CYP4B1: variants seen among roughly 807,000 people sequenced by gnomAD.
CYP4B1 encodes the protein cytochrome P450 4B1.
CYP4B1 carries 45 observed loss-of-function variants against 54.0 expected under a neutral mutation model. That is an observed-to-expected ratio of 0.83 (90% CI 0.66 to 1.07). CYP4B1 has a LOEUF of 1.07. Among genes scored for constraint, CYP4B1 ranks in the 50% least tolerant of loss-of-function variants. The pLI is 0.00. For synonymous variants in CYP4B1, 248 were observed against 247.5 expected, an observed-to-expected ratio of 1.00 and a Z score of -0.02; for missense variants, 656 against 655.4, an observed-to-expected ratio of 1.00 and a Z score of -0.01.
chr1:46,809,924 T>C (rs1189428099), intron 1 of CYP4B1, among the ~76,000 whole-genome samples: 1 of 152,234 alleles, frequency 6.6e-6, no homozygotes, highest in Non-Finnish European at 1.5e-5. Flanking sequence ...CTTCATTTAC[T>C]TAAAACACCT....
Position 46,818,677 on chromosome 1 carries a change from A to C in CYP4B1, c.1402A>C (p.Thr468Pro). The stretch of plus-strand genomic sequence containing the variant: ...TGCCATGAGTGAGATGAAGGTGGTC[A>C]CAGCCATGTGCTTGCTCCGCTTTGA... ...QFAMSEMKVV[T>P]AMCLLRFEFS... is the part of the protein sequence containing the mutation. The change falls in exon 12 of 12, where the codon ACA becomes CCA. Residue 468 changes from threonine to proline, a missense_variant. Coordinates refer to ENST00000371923, the MANE Select transcript of CYP4B1 (RefSeq NM_001099772.2). 1 of 1,614,228 alleles carries C rather than the reference A, an allele frequency of 6.2e-7. No individual in the cohort carries two copies. The highest frequency in any genetic ancestry group is 1.1e-5 in the South Asian group (1 of 91,088).
chr1:46,815,521 G>T (rs1371256618), intron 8 of CYP4B1: 2 of 345,566 alleles, frequency 5.8e-6, no homozygotes, highest in East Asian at 4.7e-5. Context: ...CTGATATTTT[G>T]TGTGCTAACT....
At chr1:46,812,771 C>A in intron 4 of CYP4B1, 148 bp downstream of exon 4, 3 of 902,784 alleles carry the variant, frequency 3.3e-6, no homozygotes, top group Non-Finnish European at 5.1e-6. Context: ...AACAGCAGTG[C>A]CAAAGCCCTG....
rs1260142198 is a variant in CYP4B1 at position 46,812,652 on chromosome 1, G to A, written c.495+29G>A. On this transcript the variant is annotated intron_variant, in intron 4 of 11. Transcript: ENST00000371923. ...AGCTCCCTGTGCCAGAGTACTGGAG[G>A]CTGTTGCCTGCTGGGCTAGCCCCTC... 3.7e-6 allele frequency: 6 copies of A among 1,605,032 alleles called. No individual in the cohort carries two copies. In the African/African-American group the frequency reaches 5.3e-5, roughly 14 times the overall value.
At chr1:46,799,287 G>A (rs1470138082) in intron 1 of CYP4B1, 26 bp downstream of exon 1, 1 of 1,556,082 alleles carries the variant, frequency 6.4e-7, no homozygotes, top group Non-Finnish European at 8.7e-7. Context: ...GAGGGTGGGG[G>A]AGAAAGAAAA....
chr1:46,814,014 A>C lies in CYP4B1; in HGVS notation c.726A>C (p.Pro242=). The C allele has an allele frequency of 5.0e-6, 8 of 1,614,082 alleles. No homozygotes were observed. Among genetic ancestry groups the C allele is most frequent in the Non-Finnish European group, 6.8e-6 (8 of 1,179,996 alleles). Residue 242 remains proline, a synonymous_variant, in exon 6 of 12, where the codon CCA becomes CCC. Transcript: ENST00000371923. ...ATGACTTCATCTACTGGCTCACCCC[A>C]CATGGCCGCCGCTTCCTGCGGGCCT... ...YHNDFIYWLT[P]HGRRFLRACQ...
intron 1 of CYP4B1, among the ~76,000 whole-genome samples, chr1:46,808,992 G>A (rs12097541): frequency 0.22 from 25,711 of 116,472 alleles, 2,999 homozygotes; most frequent in African/African-American, 0.32. Flanking sequence ...GGGGGGAGGG[G>A]TAGCATTGGG....
chr1:46,816,431 C>T (rs974232214), intron 8 of CYP4B1, among the ~76,000 whole-genome samples: 1 of 152,016 alleles, frequency 6.6e-6, no homozygotes, highest in African/African-American at 2.4e-5. Context: ...CTTGAAGCAA[C>T]TTAGAGGACA....
Position 46,811,292 on chromosome 1 carries a change from C to T in CYP4B1, c.367+108C>T. 3 of 1,162,952 alleles carry T rather than the reference C, an allele frequency of 2.6e-6. No homozygotes were observed. The East Asian group carries it at 7.2e-5, about 28-fold the overall frequency. The allele number at this position is 1,162,952 out of a possible 1,614,324, so 72.0% of individuals were successfully genotyped here. A position where few individuals can be genotyped will look rare whatever the true frequency, so the allele number is the denominator to read the frequency against. The stretch of plus-strand genomic sequence containing the variant: ...ATTGGTTATCCCAGATGGCCTAGTT[C>T]TCGGGTGCCCATCCTAAGCTCAGCT... On this transcript the variant is annotated intron_variant, in intron 3 of 11. Coordinates refer to ENST00000371923, the MANE Select transcript of CYP4B1 (RefSeq NM_001099772.2).
intron 3 of CYP4B1, 120 bp from the exon 4 acceptor site, chr1:46,812,376 C>T (rs1273113025): frequency 1.0e-5 from 12 of 1,161,184 alleles, no homozygotes; most frequent in African/African-American, 3.0e-5. Flanking sequence ...AATACTGGGT[C>T]GCTTAGTGGC....
In CYP4B1 at chr1:46,817,191, G is replaced by T; in HGVS notation, c.1207+10G>T. 1 of 1,614,042 alleles carries T rather than the reference G, an allele frequency of 6.2e-7. No individual in the cohort carries two copies. The highest frequency in any genetic ancestry group is 8.5e-7 in the Non-Finnish European group (1 of 1,179,940). On this transcript the variant is annotated intron_variant, in intron 9 of 11. Coordinates refer to ENST00000371923, the MANE Select transcript of CYP4B1 (RefSeq NM_001099772.2). The stretch of plus-strand genomic sequence containing the variant: ...CGGTCTCTACCTGCAGGTGGGATGG[G>T]TGGATTTGGGGGTGGAAAAGGAGTC...
chr1:46,802,815 C>A (rs557153240), intron 1 of CYP4B1, among the ~76,000 whole-genome samples: 25 of 152,204 alleles, frequency 1.6e-4, no homozygotes, highest in African/African-American at 6.0e-4. Context: ...CCCCTCTCGG[C>A]GTGGGGAGTC....
rs141281141 is a variant in CYP4B1 at position 46,818,206 on chromosome 1, G to A, written c.1348G>A (p.Gly450Arg). Residue 450 changes from glycine to arginine, a missense_variant, in exon 11 of 12, where the codon GGG (glycine) becomes AGG (arginine). Transcript: ENST00000371923. ...CTTTGCCTTTATGCCCTTCTCTGCT[G>A]GGCCCAGGTATGGAGAGACCCAGTA... is the stretch of plus-strand genomic sequence containing the variant. ...HPFAFMPFSAGPRNCIGQQFA... is the reference protein window; with the variant it reads ...HPFAFMPFSARPRNCIGQQFA... The A allele has an allele frequency of 1.3e-4, 216 of 1,613,924 alleles. No homozygotes were observed. Among genetic ancestry groups the A allele is most frequent in the South Asian group, 4.8e-4 (44 of 91,052 alleles).
In CYP4B1 at chr1:46,817,983, A is replaced by C; in HGVS notation, c.1226A>C (p.His409Pro). Residue 409 changes from histidine (H) to proline (P), a missense_variant, in exon 10 of 12, where the codon CAT (histidine) becomes CCT (proline). By Grantham distance (77) the His-to-Pro change is moderately conservative. Coordinates refer to ENST00000371923, the MANE Select transcript of CYP4B1 (RefSeq NM_001099772.2). ...CCCACAGGAAGCCTGATCTCTATGC[A>C]TATCTATGCCCTCCATAGGAACAGT... ...SLPAGSLISMHIYALHRNSAV... is the reference protein window; with the variant it reads ...SLPAGSLISMPIYALHRNSAV... 2.5e-6 allele frequency: 4 copies of C among 1,614,094 alleles called. No homozygotes were observed. Among genetic ancestry groups the C allele is most frequent in the Non-Finnish European group, 3.4e-6 (4 of 1,179,992 alleles).
intron 7 of CYP4B1, 189 bp from the exon 8 acceptor site, chr1:46,814,885 G>A (rs577046218): frequency 8.3e-6 from 5 of 599,934 alleles, no homozygotes; most frequent in South Asian, 7.9e-5. Context: ...GGAGGGCTTT[G>A]TGGAGGAGGA....
chr1:46,818,531 T>A, intron 11 of CYP4B1, 100 bp from the exon 12 acceptor site: 1 of 1,251,328 alleles, frequency 8.0e-7, no homozygotes, highest in Non-Finnish European at 1.2e-6. Flanking sequence ...CAGTTATTCA[T>A]CCAAAAACAG....
chr1:46,815,319 C>G (rs1679294927), intron 8 of CYP4B1, 55 bp downstream of exon 8: 1 of 1,459,430 alleles, frequency 6.9e-7, no homozygotes, highest in Admixed American at 2.3e-5. Context: ...AAGGGCGATG[C>G]CCATCCTGTC....
intron 1 of CYP4B1, among the ~76,000 whole-genome samples, chr1:46,800,297 C>CTTT (rs1204981813): frequency 0.021 from 2,798 of 131,880 alleles, 527 homozygotes; most frequent in East Asian, 0.047. Context: ...TTCCTTCCTT[C>CTTT]CTTCTTTCCT....
intron 7 of CYP4B1, 122 bp downstream of exon 7, chr1:46,814,437 T>C (rs1679251147): frequency 1.4e-6 from 1 of 712,584 alleles, no homozygotes; most frequent in East Asian, 2.7e-5. Flanking sequence ...ATATAACCTG[T>C]TCCTCGTCCC....
Sources: allele counts gnomAD v4.1 joint callset (sites outside exome capture counted in the v4.1 genomes callset), GRCh38; gene constraint gnomAD v4.1.1; transcripts MANE v1.5; gene names NCBI Gene and HGNC (gene_info 2026-07-23, HGNC 2026-07-21).